The following DYDC2 variants were observed in gnomAD, a reference collection of about 807,000 sequenced individuals.
DYDC2 encodes the protein DPY30 domain containing 2.
DYDC2 carries 19 observed loss-of-function variants against 18.7 expected under a neutral mutation model. That is an observed-to-expected ratio of 1.02 (90% confidence interval 0.71 to 1.49). DYDC2 has a LOEUF of 1.49. Ranked by LOEUF, DYDC2 falls within the 40% of genes most tolerant of loss-of-function variation. DYDC2 has a pLI of 0.00. For synonymous variants in DYDC2, 63 were observed against 67.6 expected, an observed-to-expected ratio of 0.93 and a Z score of 0.34; for missense variants, 179 against 205.1, an observed-to-expected ratio of 0.87 and a Z score of 0.78.
intron 1 of DYDC2, among the ~76,000 whole-genome samples, chr10:80,347,136 T>C (rs192827885): frequency 3.5e-4 from 53 of 151,878 alleles, no homozygotes; most frequent in Admixed American, 7.9e-4. Flanking sequence ...TATCTCATAG[T>C]GGTTTTGATT....
intron 1 of DYDC2, among the ~76,000 whole-genome samples, chr10:80,346,440 C>CTTTTTTT (rs370935161): frequency 1.1e-5 from 1 of 92,416 alleles, no homozygotes; most frequent in African/African-American, 6.1e-5. Flanking sequence ...TGTCTCTTCC[C>CTTTTTTT]TTTCTTTTTT....
chr10:80,359,945 G>T (rs770043635), intron 2 of DYDC2, among the ~76,000 whole-genome samples: 1 of 152,196 alleles, frequency 6.6e-6, no homozygotes, highest in Non-Finnish European at 1.5e-5. Flanking sequence ...GTGCAGCGGC[G>T]GGCTGAAGGG....
At chr10:80,357,633 C>T (rs1047271654) in intron 1 of DYDC2, among the ~76,000 whole-genome samples, 1 of 152,104 alleles carries the variant, frequency 6.6e-6, no homozygotes, top group Non-Finnish European at 1.5e-5. Context: ...AGAACCAATT[C>T]GGGTGCCCCA....
chr10:80,346,238 G>A (rs1342716501), intron 1 of DYDC2, among the ~76,000 whole-genome samples: 1 of 152,166 alleles, frequency 6.6e-6, no homozygotes, highest in Admixed American at 6.5e-5. Flanking sequence ...GGACATGGGA[G>A]TGCAAGTAGT....
chr10:80,360,563 A>G (rs192374481), intron 2 of DYDC2, among the ~76,000 whole-genome samples: 10 of 152,308 alleles, frequency 6.6e-5, no homozygotes, highest in Admixed American at 5.2e-4. Flanking sequence ...CATAGTTTCC[A>G]GGTATTCAGA....
chr10:80,362,734 A>T, intron 3 of DYDC2, 144 bp downstream of exon 3: 1 of 1,395,684 alleles, frequency 7.2e-7, no homozygotes, highest in Non-Finnish European at 9.7e-7. Context: ...TCCCTGAAGC[A>T]TGGGGATCCT....
rs76324602 is a variant in DYDC2 at position 80,345,083 on chromosome 10, G to C, written c.-310+268G>C. ...AAAATAGTGTTTAAAGCCGGGAAGTGTTCATCATATTACTCAACAGCAGCT... is the reference window on the plus strand; with the variant it reads ...AAAATAGTGTTTAAAGCCGGGAAGTCTTCATCATATTACTCAACAGCAGCT... On this transcript the variant is annotated intron_variant, in intron 1 of 4. Transcript: ENST00000372197. Among the ~76,000 whole-genome samples the C allele has an allele frequency of 2.8e-3, 425 of 152,276 alleles. 9 individuals are homozygous for C. The highest frequency in any genetic ancestry group is 0.011 in the East Asian group (59 of 5,184).
upstream of DYDC2, chr10:80,352,576 TGC>T: frequency 6.2e-7 from 1 of 1,610,626 alleles, no homozygotes; most frequent in South Asian, 1.1e-5. Flanking sequence ...GGCCCCAAGG[TGC>T]TTTTGAAGAT....
chr10:80,351,678 A>T (rs1483201715), intron 1 of DYDC2, among the ~76,000 whole-genome samples: 2 of 152,224 alleles, frequency 1.3e-5, no homozygotes, highest in Admixed American at 6.5e-5. Context: ...CAGCAACAAC[A>T]GTGTGGAAAG....
chr10:80,352,377 A>G, upstream of DYDC2: 1 of 1,399,062 alleles, frequency 7.1e-7, no homozygotes, highest in Non-Finnish European at 9.3e-7. Context: ...AAAAATAATA[A>G]TGTTAAACTT....
At chr10:80,348,704 C>A (rs993259279) in intron 1 of DYDC2, among the ~76,000 whole-genome samples, 1 of 152,146 alleles carries the variant, frequency 6.6e-6, no homozygotes, top group Non-Finnish European at 1.5e-5. Context: ...GGCTATTCTA[C>A]AAAGTAATGC....
chr10:80,358,733 T>C (rs1171130490), intron 2 of DYDC2, among the ~76,000 whole-genome samples: 1 of 152,212 alleles, frequency 6.6e-6, no homozygotes, highest in Non-Finnish European at 1.5e-5. Context: ...CCTGAGATTC[T>C]GCATCTCAAC....
At chr10:80,346,439 CCTTT>C (rs1406244664) in intron 1 of DYDC2, among the ~76,000 whole-genome samples, 2 of 115,680 alleles carry the variant, frequency 1.7e-5, no homozygotes, top group African/African-American at 8.3e-5. Flanking sequence ...GTGTCTCTTC[CCTTT>C]CTTTTTTTTT....
intron 1 of DYDC2, among the ~76,000 whole-genome samples, chr10:80,346,440 C>CTTTTTTTT (rs370935161): frequency 1.1e-5 from 1 of 92,416 alleles, no homozygotes; most frequent in African/African-American, 6.1e-5. Context: ...TGTCTCTTCC[C>CTTTTTTTT]TTTCTTTTTT....
chr10:80,360,076 GA>G (rs1843620545), intron 2 of DYDC2, among the ~76,000 whole-genome samples: 1 of 152,236 alleles, frequency 6.6e-6, no homozygotes, highest in Admixed American at 6.5e-5. Flanking sequence ...TCTGTCGTCA[GA>G]CTAGCTTTGA....
At position 80,362,544 on chromosome 10, in the gene DYDC2, C is replaced by G; in HGVS notation, c.101C>G (p.Ala34Gly). ...VRPSDPIEYL[A>G]HWLYHYRKTA... The stretch of plus-strand genomic sequence containing the variant: ...CCCAGTGACCCAATAGAATACCTGG[C>G]TCACTGGCTTTATCATTACAGGAAA... Residue 34 changes from alanine (A) to glycine (G), a missense_variant, in exon 3 of 5, where the codon GCT (alanine) becomes GGT (glycine). Physicochemically the swap from Ala to Gly is moderately conservative, Grantham distance 60 (BLOSUM62 0). Coordinates refer to ENST00000256039, the MANE Select transcript of DYDC2 (RefSeq NM_032372.6). The G allele has an allele frequency of 5.0e-6, 8 of 1,613,762 alleles. No homozygotes were observed. The highest frequency in any genetic ancestry group is 6.8e-6 in the Non-Finnish European group (8 of 1,179,790).
At chr10:80,356,704 G>A (rs534776004), upstream of DYDC2, 647 of 984,546 alleles carry the variant, frequency 6.6e-4, 4 homozygotes, top group African/African-American at 9.7e-3. Flanking sequence ...CCTTTCCGGT[G>A]CGCTCACCCC....
intron 1 of DYDC2, among the ~76,000 whole-genome samples, chr10:80,345,274 A>G (rs1842543554): frequency 6.6e-6 from 1 of 152,196 alleles, no homozygotes; most frequent in Non-Finnish European, 1.5e-5. Context: ...ATGGCTTAAC[A>G]GTTATATTAT....
intron 3 of DYDC2, 74 bp from the exon 4 acceptor site, chr10:80,362,877 T>A: frequency 6.4e-7 from 1 of 1,556,756 alleles, no homozygotes; most frequent in South Asian, 1.2e-5. Context: ...CCCATATCAG[T>A]CCCCAGTGAG....
Sources: allele counts gnomAD v4.1 joint callset (sites outside exome capture counted in the v4.1 genomes callset), GRCh38; gene constraint gnomAD v4.1.1; transcripts MANE v1.5; gene names NCBI Gene and HGNC (gene_info 2026-07-23, HGNC 2026-07-21).